QKI: variants seen among roughly 807,000 people sequenced by gnomAD.
The protein encoded by QKI is KH domain-containing RNA-binding protein QKI.
In QKI, 10 loss-of-function variants were observed where a neutral mutation model predicts 39.0. The observed-to-expected ratio is 0.26, with a 90% CI of 0.16 to 0.43. The LOEUF (loss-of-function observed/expected upper bound fraction) is 0.43. Among genes scored for constraint, QKI ranks in the 20% least tolerant of loss-of-function variants. QKI has a pLI of 1.00. For missense variants in QKI, 218 were observed against 428.0 expected (o/e 0.51, Z 4.33); for synonymous variants, 204 against 155.4 (o/e 1.31, Z -2.33).
rs536694115 is a variant in QKI at position 163,489,482 on chromosome 6, T to C, written c.402+10586T>C. On this transcript the variant is annotated intron_variant, in intron 3 of 7. Transcript: ENST00000361752. ...TTGTGTGTAAAAGTCATTACTGTTA[T>C]GAACACTGTTACCACCTTCAGTTTC... Among the ~76,000 whole-genome samples the C allele has an allele frequency of 3.3e-5, 5 of 151,330 alleles. No individual in the cohort carries two copies. In the South Asian group the frequency reaches 1.0e-3, roughly 31 times the overall value.
chr6:163,568,936 G>A (rs1398984598), intron 7 of QKI: 2 of 985,836 alleles, frequency 2.0e-6, no homozygotes, highest in Non-Finnish European at 2.4e-6. Context: ...AGGTGTCCTG[G>A]TATATATAAA....
At chr6:163,568,192 G>A in intron 7 of QKI, 1 of 983,802 alleles carries the variant, frequency 1.0e-6, no homozygotes, top group Non-Finnish European at 1.2e-6. Context: ...ATAATTTGAG[G>A]TTTTATTCAT....
chr6:163,439,157 C>T (rs1645590819), intron 1 of QKI, among the ~76,000 whole-genome samples: 1 of 152,092 alleles, frequency 6.6e-6, no homozygotes, highest in Admixed American at 6.6e-5. Flanking sequence ...TATGGCTTAC[C>T]AGTGTGTCTC....
intron 3 of QKI, among the ~76,000 whole-genome samples, chr6:163,516,401 T>A (rs920675769): frequency 6.6e-6 from 1 of 152,110 alleles, no homozygotes; most frequent in Non-Finnish European, 1.5e-5. Context: ...TTCAAGCAGT[T>A]CTCCTGCCTC....
chr6:163,482,185 G>T (rs565722936), intron 3 of QKI, among the ~76,000 whole-genome samples: 6 of 151,914 alleles, frequency 3.9e-5, no homozygotes, highest in African/African-American at 1.5e-4. Context: ...ACTCTGTCTC[G>T]GGGGAAAAAA....
chr6:163,495,185 G>A (rs1778329339), intron 3 of QKI, among the ~76,000 whole-genome samples: 1 of 152,132 alleles, frequency 6.6e-6, no homozygotes, highest in Non-Finnish European at 1.5e-5. Flanking sequence ...AAAGTGCTGG[G>A]ATTACAGGCA....
Position 163,550,972 on chromosome 6 carries a change from G to A in QKI, c.547-11010G>A, listed in dbSNP as rs1782201104. Among the ~76,000 whole-genome samples the A allele has an allele frequency of 5.4e-5, 8 of 148,686 alleles. 2 individuals carry two copies. Reference sequence around the variant, plus strand: ...ACAAAAAAAAAAAAAAGCTGCTTCTGTTGGAGGACAGGGGCATCGATCAAA... The same window carrying A: ...ACAAAAAAAAAAAAAAGCTGCTTCTATTGGAGGACAGGGGCATCGATCAAA... On this transcript the variant is annotated intron_variant, in intron 4 of 7. Coordinates refer to ENST00000361752, the MANE Select transcript of QKI (RefSeq NM_006775.3).
At chr6:163,554,962 T>G (rs115441511) in intron 4 of QKI, among the ~76,000 whole-genome samples, 1,825 of 152,308 alleles carry the variant, frequency 0.012, 38 homozygotes, top group African/African-American at 0.042. Flanking sequence ...ACCCCTTTGT[T>G]TAAGTCAATC....
At chr6:163,545,096 A>T (rs949892882) in intron 4 of QKI, among the ~76,000 whole-genome samples, 1 of 152,150 alleles carries the variant, frequency 6.6e-6, no homozygotes, top group Non-Finnish European at 1.5e-5. Flanking sequence ...AGCTCCTTGG[A>T]ATCACAGCCA....
At chr6:163,568,043 G>A in intron 7 of QKI, 1 of 985,410 alleles carries the variant, frequency 1.0e-6, no homozygotes, top group African/African-American at 1.7e-5. Flanking sequence ...ATTGTTCAGT[G>A]AACAAAATAG....
intron 3 of QKI, among the ~76,000 whole-genome samples, chr6:163,495,367 A>G (rs913490352): frequency 6.6e-6 from 1 of 152,148 alleles, no homozygotes; most frequent in Non-Finnish European, 1.5e-5. Flanking sequence ...TTTACCACAA[A>G]TAATGAGAGT....
chr6:163,534,483 A>T (rs1273053546), intron 3 of QKI, among the ~76,000 whole-genome samples: 2 of 152,212 alleles, frequency 1.3e-5, no homozygotes, highest in Non-Finnish European at 2.9e-5. Context: ...AGATCACTGA[A>T]TTAGAGAATG....
intron 3 of QKI, among the ~76,000 whole-genome samples, chr6:163,533,111 A>C: frequency 6.6e-6 from 1 of 151,990 alleles, no homozygotes; most frequent in Non-Finnish European, 1.5e-5. Flanking sequence ...ATAATACCAG[A>C]CTAGTAGCTT....
At chr6:163,456,300 TTC>T (rs924114154) in intron 2 of QKI, among the ~76,000 whole-genome samples, 2 of 152,118 alleles carry the variant, frequency 1.3e-5, no homozygotes, top group African/African-American at 2.4e-5. Context: ...CTGGTTTATT[TTC>T]TCTCTCTCTG....
chr6:163,497,003 T>G (rs1778454342), intron 3 of QKI, among the ~76,000 whole-genome samples: 1 of 152,234 alleles, frequency 6.6e-6, no homozygotes, highest in Non-Finnish European at 1.5e-5. Flanking sequence ...TTATTCATTG[T>G]TCTGTCCTCA....
At chr6:163,439,656 CTT>C (rs375640583) in intron 1 of QKI, among the ~76,000 whole-genome samples, 56 of 124,164 alleles carry the variant, frequency 4.5e-4, no homozygotes, top group Admixed American at 5.9e-4. Context: ...GTCCTGAATC[CTT>C]TTTTTTTTTT....
At chr6:163,453,418 T>C (rs182476909) in intron 1 of QKI, among the ~76,000 whole-genome samples, 3 of 152,300 alleles carry the variant, frequency 2.0e-5, no homozygotes. Context: ...AATAATTATA[T>C]GGAAAGTGCT....
Position 163,415,119 on chromosome 6 carries a change from C to T in QKI, c.-75C>T. The T allele has an allele frequency of 9.0e-7, 1 of 1,113,982 alleles. No homozygotes were observed. Among genetic ancestry groups the T allele is most frequent in the African/African-American group, 1.7e-5 (1 of 57,598 alleles). The allele number at this position is 1,113,982 out of a possible 1,614,324, so 69.0% of individuals were successfully genotyped here. A position where few individuals can be genotyped will look rare whatever the true frequency, so the allele number is the denominator to read the frequency against. On this transcript the variant is annotated 5_prime_UTR_variant, in exon 1 of 8. Transcript: ENST00000361752. ...GGTCCCGAGCGGCCCGCGGCCGGGG[C>T]TCGCCCCCGCCCCTCCCTCCTCTCC...
intron 2 of QKI, among the ~76,000 whole-genome samples, chr6:163,477,020 GTT>G (rs113406306): frequency 0.21 from 11,216 of 53,978 alleles, 525 homozygotes; most frequent in African/African-American, 0.34. Context: ...GTTTTGTTTT[GTT>G]TTTTTTTTTT....
Sources: gnomAD v4.1 joint callset for allele counts (sites outside exome capture counted in the v4.1 genomes callset) on GRCh38, gnomAD v4.1.1 for gene constraint, MANE v1.5 for transcripts, NCBI Gene and HGNC (gene_info 2026-07-23, HGNC 2026-07-21) for gene names.